The following MAP3K1 variants were observed in gnomAD, a reference collection of about 807,000 sequenced individuals.
The protein encoded by MAP3K1 is mitogen-activated protein kinase kinase kinase 1.
Under a neutral mutation model 144.2 loss-of-function variants are expected in MAP3K1, and 36 were observed. The observed-to-expected ratio is 0.25, with a 90% confidence interval of 0.19 to 0.33. The LOEUF is 0.33. Ranked by LOEUF, MAP3K1 falls within the 10% of genes least tolerant of loss-of-function variation. MAP3K1 has a pLI of 1.00. For missense variants in MAP3K1, 1,650 were observed against 1,881.9 expected (o/e 0.88, Z 2.28); for synonymous variants, 718 against 688.7 (o/e 1.04, Z -0.67).
chr5:56,846,425 TCTC>T (rs1023128668), intron 1 of MAP3K1, among the ~76,000 whole-genome samples: 35 of 152,228 alleles, frequency 2.3e-4, no homozygotes, highest in African/African-American at 8.2e-4. Context: ...TCCTGCTTTT[TCTC>T]CTCACCTGCT....
At chr5:56,834,324 G>C (rs904689001) in intron 1 of MAP3K1, among the ~76,000 whole-genome samples, 2 of 152,188 alleles carry the variant, frequency 1.3e-5, no homozygotes, top group African/African-American at 4.8e-5. Context: ...TTTAATTCTT[G>C]TGTTCTCTAG....
chr5:56,882,188 C>A lies in MAP3K1; in HGVS notation c.2988C>A (p.Gly996=), dbSNP rs1266184671. The A allele has an allele frequency of 6.2e-7, 1 of 1,613,960 alleles. No individual in the cohort carries two copies. Among genetic ancestry groups the A allele is most frequent in the Admixed American group, 1.7e-5 (1 of 59,996 alleles). ...CTTCTACCCCATCTGTACCAGCTGG[C>A]ACTGCAACAGATGTCTCTAAGCATA... The part of the protein sequence containing the change: ...PSSSTPSVPA[G]TATDVSKHRL... Residue 996 remains glycine (G), a synonymous_variant, in exon 14 of 20, where the codon GGC becomes GGA. Transcript: ENST00000399503.
At chr5:56,839,830 C>T (rs1746758702) in intron 1 of MAP3K1, among the ~76,000 whole-genome samples, 2 of 152,218 alleles carry the variant, frequency 1.3e-5, no homozygotes, top group African/African-American at 4.8e-5. Flanking sequence ...TAGTTCAAGT[C>T]TGGCACCCTG....
At chr5:56,820,124 C>G (rs1395186240) in intron 1 of MAP3K1, among the ~76,000 whole-genome samples, 1 of 151,944 alleles carries the variant, frequency 6.6e-6, no homozygotes, top group African/African-American at 2.4e-5. Context: ...CTTTTGCCTT[C>G]TGTGTGTGTG....
chr5:56,869,203 C>T (rs967890907), intron 6 of MAP3K1, among the ~76,000 whole-genome samples: 1 of 152,076 alleles, frequency 6.6e-6, no homozygotes, highest in African/African-American at 2.4e-5. Flanking sequence ...CCCAGAAGTT[C>T]AAGGCTGCAG....
chr5:56,836,969 A>G (rs538365037), intron 1 of MAP3K1, among the ~76,000 whole-genome samples: 1 of 152,312 alleles, frequency 6.6e-6, no homozygotes, highest in African/African-American at 2.4e-5. Context: ...TTGGAATAAA[A>G]TTGACACTCT....
rs1292145012 is a variant in MAP3K1, at chr5:56,895,529, C to T, written c.*1849C>T. 8.6e-6 allele frequency: 2 copies of T among 231,840 alleles called. No homozygotes were observed. The highest frequency in any genetic ancestry group is 1.7e-5 in the Non-Finnish European group (2 of 117,260). 14.4% of individuals were successfully genotyped at this position (231,840 alleles called of 1,614,324 possible). A position where few individuals can be genotyped will look rare whatever the true frequency, so the allele number is the denominator to read the frequency against. Reference sequence around the variant, plus strand: ...CTGACAAAAATGTAAACTGTATAAACTGAGGAACCTCAGCTAATCAGTATT... The same window carrying T: ...CTGACAAAAATGTAAACTGTATAAATTGAGGAACCTCAGCTAATCAGTATT... On this transcript the variant is annotated 3_prime_UTR_variant, in exon 20 of 20. Coordinates refer to ENST00000399503, the MANE Select transcript of MAP3K1 (RefSeq NM_005921.2).
At position 56,881,767 on chromosome 5, in the gene MAP3K1, T is replaced by G; in HGVS notation, c.2567T>G (p.Leu856Trp). 6.2e-7 allele frequency: 1 copy of G among 1,614,174 alleles called. No homozygotes were observed. The highest frequency in any genetic ancestry group is 1.1e-5 in the South Asian group (1 of 91,082). Residue 856 changes from leucine to tryptophan, a missense_variant, in exon 14 of 20, where the codon TTG becomes TGG. By Grantham distance (61) the Leu-to-Trp change is moderately conservative. Around this residue, in one of 6 missense-constraint regions of MAP3K1, gnomAD observed 841 missense variants for 886.5 expected, o/e 0.95. Transcript: ENST00000399503. The stretch of plus-strand genomic sequence containing the variant: ...CACTTCACCAGGATGCGTCGCCGTT[T>G]GATGGCTATTGCAGATGAGGTGGAA... ...STHFTRMRRR[L>W]MAIADEVEIA...
rs748409131 is a variant in MAP3K1, at chr5:56,882,412, G to T, written c.3212G>T (p.Ser1071Ile). 1.9e-6 allele frequency: 3 copies of T among 1,614,076 alleles called. No homozygotes were observed. The highest frequency in any genetic ancestry group is 1.1e-5 in the South Asian group (1 of 91,086). ...TCTAGACCTACCCCAGGTAATACAA[G>T]TAAACAGGGAGATCCCTCAAAAAAT... is the stretch of plus-strand genomic sequence containing the variant. Reference protein sequence around the residue: ...KPSRPTPGNTSKQGDPSKNSM... With the variant: ...KPSRPTPGNTIKQGDPSKNSM... The change falls in exon 14 of 20, where the codon AGT becomes ATT. Residue 1071 changes from serine (S) to isoleucine (I), a missense_variant. By Grantham distance (142) the Ser-to-Ile change is moderately radical. Coordinates refer to ENST00000399503, the MANE Select transcript of MAP3K1 (RefSeq NM_005921.2).
intron 1 of MAP3K1, among the ~76,000 whole-genome samples, chr5:56,835,184 G>A (rs1400078425): frequency 6.6e-6 from 1 of 152,144 alleles, no homozygotes; most frequent in East Asian, 1.9e-4. Flanking sequence ...AGGGTAGCAG[G>A]GAAATACTAG....
At chr5:56,856,509 G>A in intron 1 of MAP3K1, 91 bp from the exon 2 acceptor site, 2 of 1,099,812 alleles carry the variant, frequency 1.8e-6, no homozygotes, top group Non-Finnish European at 2.7e-6. Flanking sequence ...TCCGTTGGAA[G>A]TATAAAATAG....
chr5:56,837,452 C>T (rs969859611), intron 1 of MAP3K1, among the ~76,000 whole-genome samples: 17 of 152,078 alleles, frequency 1.1e-4, no homozygotes, highest in African/African-American at 2.4e-5. Context: ...GAGCTCTTCC[C>T]TCTTTCTGCA....
chr5:56,817,125 G>C, intron 1 of MAP3K1: 1 of 985,204 alleles, frequency 1.0e-6, no homozygotes, highest in Non-Finnish European at 1.2e-6. Flanking sequence ...AGGTAATTTA[G>C]ACCAGCGGTT....
chr5:56,885,749 G>A (rs551578138), intron 16 of MAP3K1, among the ~76,000 whole-genome samples, 183 bp from the exon 17 acceptor site: 4 of 152,300 alleles, frequency 2.6e-5, no homozygotes, highest in Non-Finnish European at 5.9e-5. Context: ...TGTGGGTTCT[G>A]TGAAAATGTC....
intron 1 of MAP3K1, among the ~76,000 whole-genome samples, chr5:56,828,093 G>A (rs1042655055): frequency 1.2e-4 from 19 of 152,176 alleles, no homozygotes; most frequent in Admixed American, 5.9e-4. Context: ...CTTTTAGAAT[G>A]AGGTTAAGAG....
intron 19 of MAP3K1, among the ~76,000 whole-genome samples, chr5:56,892,489 A>G (rs1203662721): frequency 1.3e-5 from 2 of 152,254 alleles, no homozygotes; most frequent in African/African-American, 4.8e-5. Flanking sequence ...ATTGATAACA[A>G]TTATATGGAT....
Position 56,820,580 on chromosome 5 carries a change from A to G in MAP3K1, c.482+4525A>G, listed in dbSNP as rs188017761. 35 of 985,192 alleles carry G rather than the reference A, an allele frequency of 3.6e-5. No individual in the cohort carries two copies. The Admixed American group carries it at 1.0e-3, about 29-fold the overall frequency. 61.0% of individuals were successfully genotyped at this position (985,192 alleles called of 1,614,324 possible). On this transcript the variant is annotated intron_variant, in intron 1 of 19. Coordinates refer to ENST00000399503, the MANE Select transcript of MAP3K1 (RefSeq NM_005921.2). ...CAAAGAGGGTTAGTCATTAGTGTTG[A>G]ATGTTTCTTAGATTTATTGATTTGT...
intron 3 of MAP3K1, among the ~76,000 whole-genome samples, chr5:56,864,274 CAAAATCAT>C (rs1201387881): frequency 6.6e-6 from 1 of 151,936 alleles, no homozygotes; most frequent in Non-Finnish European, 1.5e-5. Flanking sequence ...GTATGTCAGA[CAAAATCAT>C]TTAGCCTTTG....
intron 1 of MAP3K1, among the ~76,000 whole-genome samples, chr5:56,852,552 G>C (rs1366052188): frequency 2.0e-5 from 3 of 152,096 alleles, no homozygotes; most frequent in African/African-American, 4.8e-5. Flanking sequence ...TGAAGATAAA[G>C]CTTGATCTGT....
Sources: allele counts gnomAD v4.1 joint callset (sites outside exome capture counted in the v4.1 genomes callset), GRCh38; gene constraint gnomAD v4.1.1; regional missense constraint gnomAD v4.1.1; transcripts MANE v1.5; gene names NCBI Gene and HGNC (gene_info 2026-07-23, HGNC 2026-07-21).